GBF1: variants seen among roughly 807,000 people sequenced by gnomAD.
GBF1 encodes golgi brefeldin A resistant guanine nucleotide exchange factor 1, also known as Golgi-specific brefeldin A-resistance guanine nucleotide exchange factor 1.
A neutral mutation model predicts 210.5 loss-of-function variants in GBF1; 114 were observed. The ratio of observed to expected loss-of-function variants is 0.54; its 90% confidence interval spans 0.47 to 0.63. GBF1 has a LOEUF of 0.63. GBF1 is among the 30% of genes least tolerant of loss of function. The pLI is 0.00. For synonymous variants in GBF1, 850 were observed against 889.2 expected (o/e 0.96, Z 0.78); for missense variants, 1,851 against 2,357.7 (o/e 0.79, Z 4.45).
chr10:102,258,698 C>T (rs1197872357), intron 1 of GBF1, among the ~76,000 whole-genome samples: 2 of 148,142 alleles, frequency 1.4e-5, no homozygotes, highest in Admixed American at 6.8e-5. Context: ...TGCTTGAACT[C>T]GGGAGGCAGA....
intron 3 of GBF1, among the ~76,000 whole-genome samples, chr10:102,288,795 A>G (rs556985366): frequency 2.7e-5 from 4 of 150,068 alleles, no homozygotes; most frequent in African/African-American, 7.3e-5. Context: ...TTTGTATACC[A>G]GTCAGATAAG....
At chr10:102,264,645 C>A (rs1027257847) in intron 3 of GBF1, among the ~76,000 whole-genome samples, 4 of 152,194 alleles carry the variant, frequency 2.6e-5, no homozygotes, top group African/African-American at 9.7e-5. Context: ...CCTTCTCCCC[C>A]CTCCCTGTCT....
intron 3 of GBF1, among the ~76,000 whole-genome samples, chr10:102,303,430 T>G (rs2077567681): frequency 6.6e-6 from 1 of 152,234 alleles, no homozygotes; most frequent in African/African-American, 2.4e-5. Context: ...TGACCATAAA[T>G]GGCCCTGGTG....
chr10:102,271,858 C>T (rs1410896092), intron 3 of GBF1, among the ~76,000 whole-genome samples: 1 of 151,496 alleles, frequency 6.6e-6, no homozygotes, highest in Non-Finnish European at 1.5e-5. Flanking sequence ...CTCAAGTGAT[C>T]CTCCCACCTC....
chr10:102,261,588 T>G (rs973982675), intron 3 of GBF1, among the ~76,000 whole-genome samples: 5 of 151,012 alleles, frequency 3.3e-5, no homozygotes, highest in Non-Finnish European at 7.4e-5. Flanking sequence ...TATCTAAGAG[T>G]TCCCTACATA....
Position 102,380,699 on chromosome 10 carries a change from G to A in GBF1, c.5173+13G>A. On this transcript the variant is annotated intron_variant, in intron 38 of 39. Coordinates refer to ENST00000369983, the MANE Select transcript of GBF1 (RefSeq NM_001377137.1). ...ACCGTCATCCAGGGTAGGGGGCTCA[G>A]CCCAGCTTTATCAAAAAGAGTCTCC... 6.3e-7 allele frequency: 1 copy of A among 1,586,488 alleles called. No homozygotes were observed.
intron 1 of GBF1, among the ~76,000 whole-genome samples, chr10:102,250,817 C>T (rs1056487580): frequency 2.2e-4 from 34 of 152,108 alleles, no homozygotes; most frequent in African/African-American, 7.9e-4. Context: ...ATTAGCTAGG[C>T]GTGGTTGTGG....
chr10:102,380,278 G>C lies in GBF1; in HGVS notation c.4908G>C (p.Leu1636=). 6.2e-7 allele frequency: 1 copy of C among 1,613,948 alleles called. No individual in the cohort carries two copies. The highest frequency in any genetic ancestry group is 2.2e-5 in the East Asian group (1 of 44,878). ...KVFLQHLSPL[L]SLSTFAALWL... is the part of the protein sequence containing the mutation. Reference sequence around the variant, plus strand: ...TCCTGCAGCACCTGTCTCCACTGCTGTCACTCTCTACCTTTGCGGCCCTCT... The same window carrying C: ...TCCTGCAGCACCTGTCTCCACTGCTCTCACTCTCTACCTTTGCGGCCCTCT... The change falls in exon 37 of 40, where the codon CTG becomes CTC. Residue 1636 remains leucine (L), a synonymous_variant. Coordinates refer to ENST00000369983, the MANE Select transcript of GBF1 (RefSeq NM_001377137.1).
At chr10:102,360,509 G>A (rs1351064466) in intron 12 of GBF1, 114 bp downstream of exon 12, 3 of 704,274 alleles carry the variant, frequency 4.3e-6, no homozygotes, top group African/African-American at 3.5e-5. Context: ...CTCCCTCCCA[G>A]TTGGCTAGTA....
chr10:102,351,281 G>A lies in GBF1; in HGVS notation c.321G>A (p.Glu107=), dbSNP rs140515044. Residue 107 remains glutamate, a synonymous_variant, in exon 5 of 40, where the codon GAG becomes GAA. Coordinates refer to ENST00000369983, the MANE Select transcript of GBF1 (RefSeq NM_001377137.1). ...LIDPTHEGTA[E]GMENMADAVT... Reference sequence around the variant, plus strand: ...ATCCCACCCATGAGGGCACAGCAGAGGGCATGGAGAACATGGCAGATGCTG... The same window carrying A: ...ATCCCACCCATGAGGGCACAGCAGAAGGCATGGAGAACATGGCAGATGCTG... The A allele has an allele frequency of 1.2e-6, 2 of 1,605,108 alleles. No individual in the cohort carries two copies. Among genetic ancestry groups the A allele is most frequent in the South Asian group, 1.1e-5 (1 of 90,888 alleles).
At chr10:102,265,323 A>G (rs1344318184) in intron 3 of GBF1, among the ~76,000 whole-genome samples, 1 of 152,168 alleles carries the variant, frequency 6.6e-6, no homozygotes, top group Non-Finnish European at 1.5e-5. Context: ...AACTTAGATC[A>G]TTACAAAGAG....
At chr10:102,260,306 A>G (rs2073024567) in intron 3 of GBF1, among the ~76,000 whole-genome samples, 190 bp downstream of exon 3, 1 of 152,036 alleles carries the variant, frequency 6.6e-6, no homozygotes, top group African/African-American at 2.4e-5. Flanking sequence ...ATATATAAAT[A>G]AATGAGAAAT....
At chr10:102,377,249 A>G in intron 33 of GBF1, 109 bp downstream of exon 33, 1 of 780,576 alleles carries the variant, frequency 1.3e-6, no homozygotes, top group Non-Finnish European at 2.1e-6. Context: ...GTGCCAGCCC[A>G]GGCCCTGGAC....
rs548287543 is a variant in GBF1 at position 102,370,663 on chromosome 10, G to T, written c.3507-44G>T. On this transcript the variant is annotated intron_variant, in intron 28 of 39. Transcript: ENST00000369983. ...GGCCTAGGGGACCTGTTGCCCAGTG[G>T]CCCCTCTGGCTGAGACTATCTTCAT... 42 of 1,595,856 alleles carry T rather than the reference G, an allele frequency of 2.6e-5. No individual in the cohort carries two copies. In the East Asian group the frequency reaches 8.7e-4, roughly 33 times the overall value.
At chr10:102,304,300 G>A (rs2077648313) in intron 3 of GBF1, among the ~76,000 whole-genome samples, 1 of 152,082 alleles carries the variant, frequency 6.6e-6, no homozygotes, top group Non-Finnish European at 1.5e-5. Flanking sequence ...GGGCCACATC[G>A]TATGTAATTT....
At chr10:102,317,145 A>G (rs1183231447) in intron 3 of GBF1, among the ~76,000 whole-genome samples, 1 of 152,110 alleles carries the variant, frequency 6.6e-6, no homozygotes, top group Admixed American at 6.5e-5. Flanking sequence ...TTTAGTAGTA[A>G]TATAAGCCAG....
At chr10:102,370,079 C>A in intron 26 of GBF1, 95 bp downstream of exon 26, 2 of 1,540,770 alleles carry the variant, frequency 1.3e-6, no homozygotes, top group Non-Finnish European at 1.8e-6. Context: ...GGATTTGTAA[C>A]CAGGGCTGAC....
chr10:102,282,592 A>C (rs1175839550), intron 3 of GBF1, among the ~76,000 whole-genome samples: 2 of 152,140 alleles, frequency 1.3e-5, no homozygotes, highest in African/African-American at 4.8e-5. Flanking sequence ...TTTCTCTTTG[A>C]TTCTGCTATG....
the GBF1 span, chr10:102,231,896 C>A: frequency 6.4e-7 from 1 of 1,558,164 alleles, no homozygotes. Flanking sequence ...GGCTGCCCAG[C>A]CGGGGTCCCA....
Sources: gnomAD v4.1 joint callset for allele counts (sites outside exome capture counted in the v4.1 genomes callset) on GRCh38, gnomAD v4.1.1 for gene constraint, MANE v1.5 for transcripts, NCBI Gene and HGNC (gene_info 2026-07-23, HGNC 2026-07-21) for gene names.